The following NBEAL1 variants were observed in gnomAD, a reference collection of about 807,000 sequenced individuals.
NBEAL1 encodes neurobeachin like 1, also known as neurobeachin-like protein 1.
NBEAL1 carries 273 observed loss-of-function variants against 351.3 expected under a neutral mutation model. The observed-to-expected ratio is 0.78, with a 90% CI of 0.70 to 0.86. The LOEUF (loss-of-function observed/expected upper bound fraction) is 0.86, where lower values mean the gene tolerates loss of function less well. Ranked by LOEUF, NBEAL1 falls within the 40% of genes least tolerant of loss-of-function variation. NBEAL1 has a pLI of 0.00. For missense variants in NBEAL1, 2,961 were observed against 3,201.3 expected, an observed-to-expected ratio of 0.92 and a Z score of 1.81; for synonymous variants, 1,050 against 1,086.4, an observed-to-expected ratio of 0.97 and a Z score of 0.66.
intron 23 of NBEAL1, 31 bp downstream of exon 23, chr2:203,126,957 T>C: frequency 4.9e-6 from 7 of 1,420,800 alleles, no homozygotes; most frequent in Non-Finnish European, 6.8e-6. Context: ...CTCAGTTTGA[T>C]ATATTATTTT....
chr2:203,096,392 T>G (rs926594698), intron 10 of NBEAL1, among the ~76,000 whole-genome samples: 5 of 152,234 alleles, frequency 3.3e-5, no homozygotes, highest in African/African-American at 1.2e-4. Context: ...ACCTTTTGTT[T>G]TCTCATTTCT....
At chr2:203,069,674 G>A (rs1200001939) in intron 7 of NBEAL1, among the ~76,000 whole-genome samples, 1 of 152,172 alleles carries the variant, frequency 6.6e-6, no homozygotes, top group Non-Finnish European at 1.5e-5. Context: ...TTTTTGGAGA[G>A]AGATGCGGTC....
At chr2:203,051,823 A>G (rs2061328834) in intron 4 of NBEAL1, among the ~76,000 whole-genome samples, 1 of 152,180 alleles carries the variant, frequency 6.6e-6, no homozygotes, top group Non-Finnish European at 1.5e-5. Flanking sequence ...GTCACAGAAC[A>G]TGTTTCTATT....
chr2:203,213,617 C>G lies in NBEAL1; in HGVS notation c.8034C>G (p.Gly2678=). 6.2e-7 allele frequency: 1 copy of G among 1,614,002 alleles called. No individual in the cohort carries two copies. The highest frequency in any genetic ancestry group is 8.5e-7 in the Non-Finnish European group (1 of 1,179,970). Residue 2678 remains glycine (G), a synonymous_variant, in exon 55 of 56, where the codon GGC becomes GGG. Coordinates refer to ENST00000683969, the MANE Select transcript of NBEAL1 (RefSeq NM_001378026.1). ...ATATTCTTGTAGGTTTAGAAGATGG[C>G]AAATTGATTGTAGTGGGTGTTGGCA... ...YSHILVGLED[G]KLIVVGVGKP...
At chr2:203,185,592 A>G (rs1324026192) in intron 44 of NBEAL1, among the ~76,000 whole-genome samples, 2 of 152,186 alleles carry the variant, frequency 1.3e-5, no homozygotes, top group African/African-American at 2.4e-5. Flanking sequence ...GGCTGGCCTC[A>G]ACTGAGGAAT....
intron 41 of NBEAL1, among the ~76,000 whole-genome samples, chr2:203,173,848 T>C (rs1183677829): frequency 6.6e-6 from 1 of 152,126 alleles, no homozygotes; most frequent in Non-Finnish European, 1.5e-5. Context: ...TTCTCCTGAA[T>C]ATTAATGAGT....
At chr2:203,038,186 G>C (rs982739929) in intron 2 of NBEAL1, among the ~76,000 whole-genome samples, 3 of 149,170 alleles carry the variant, frequency 2.0e-5, no homozygotes, top group East Asian at 3.9e-4. Context: ...TATAAACAAA[G>C]TTTCCATAAA....
At chr2:203,201,825 A>C in intron 50 of NBEAL1, 110 bp downstream of exon 50, 1 of 839,518 alleles carries the variant, frequency 1.2e-6, no homozygotes, top group Non-Finnish European at 1.8e-6. Context: ...TTTGAAGCTG[A>C]GTGAACTTTT....
Position 203,144,710 on chromosome 2 carries a change from A to G in NBEAL1, c.4959A>G (p.Gln1653=), listed in dbSNP as rs994685760. The G allele has an allele frequency of 6.8e-6, 11 of 1,614,152 alleles. No homozygotes were observed. The South Asian group carries it at 8.8e-5, about 13-fold the overall frequency. ...ILGKLEHVLS[Q]SIKEQTEIYS... ...GGAAGCTGGAACATGTTCTAAGTCAATCAATCAAGGAACAGACTGAAATCT... is the reference window on the plus strand; with the variant it reads ...GGAAGCTGGAACATGTTCTAAGTCAGTCAATCAAGGAACAGACTGAAATCT... Residue 1653 remains glutamine, a synonymous_variant, in exon 32 of 56, where the codon CAA becomes CAG. Transcript: ENST00000683969.
At chr2:203,018,554 T>C (rs1294625270) in intron 2 of NBEAL1, among the ~76,000 whole-genome samples, 2 of 152,162 alleles carry the variant, frequency 1.3e-5, no homozygotes, top group African/African-American at 4.8e-5. Flanking sequence ...TGTTTGTTTT[T>C]ACCTCTGAGG....
chr2:203,175,164 A>AGGG lies in NBEAL1; in HGVS notation c.6341_6342insGGG (p.Asp2114delinsGluGly). On this transcript the variant is annotated protein_altering_variant, in exon 42 of 56. Transcript: ENST00000683969. ...CCCCACAGATATGAAAATTTTGAGG[A>AGGG]TCCTATGGGAACTATTGATAAGTTT... The AGGG allele has an allele frequency of 6.2e-7, 1 of 1,610,622 alleles. No individual in the cohort carries two copies. The highest frequency in any genetic ancestry group is 8.5e-7 in the Non-Finnish European group (1 of 1,178,652).
intron 6 of NBEAL1, among the ~76,000 whole-genome samples, chr2:203,060,345 A>C (rs2061478426): frequency 6.6e-6 from 1 of 152,308 alleles, no homozygotes; most frequent in African/African-American, 2.4e-5. Flanking sequence ...AAAGATTATT[A>C]CACCAAAAAA....
chr2:203,156,136 C>A (rs2063792189), intron 35 of NBEAL1, among the ~76,000 whole-genome samples: 1 of 152,164 alleles, frequency 6.6e-6, no homozygotes, highest in Admixed American at 6.5e-5. Context: ...ATCAATATCT[C>A]CATATATTAG....
At chr2:203,114,750 T>G (rs921754054) in intron 17 of NBEAL1, among the ~76,000 whole-genome samples, 1 of 152,144 alleles carries the variant, frequency 6.6e-6, no homozygotes, top group African/African-American at 2.4e-5. Flanking sequence ...TCTTTGTTTT[T>G]TTTTGTTTGT....
At chr2:203,016,517 A>G in intron 2 of NBEAL1, 82 bp downstream of exon 2, 1 of 819,428 alleles carries the variant, frequency 1.2e-6, no homozygotes, top group Admixed American at 2.9e-5. Flanking sequence ...ACTTTATTTA[A>G]TAGATAATAG....
At chr2:203,213,816 C>T (rs1408226220) in intron 55 of NBEAL1, 163 bp downstream of exon 55, 5 of 981,310 alleles carry the variant, frequency 5.1e-6, no homozygotes, top group Non-Finnish European at 6.1e-6. Context: ...AGCTGTTATT[C>T]AAGAATCATG....
intron 35 of NBEAL1, among the ~76,000 whole-genome samples, chr2:203,155,262 A>AAC (rs1553620712): frequency 6.6e-6 from 1 of 150,768 alleles, no homozygotes; most frequent in East Asian, 1.9e-4. Context: ...AAAAAAAAAA[A>AAC]ATTGATTTAA....
rs2065968428 is a variant in NBEAL1, at chr2:203,223,084, TCTC to T, written c.*5733_*5735del. 6.6e-6 allele frequency among the ~76,000 whole-genome samples: 1 copy of T among 152,210 alleles called. No individual in the cohort carries two copies. The highest frequency in any genetic ancestry group is 2.4e-5 in the African/African-American group (1 of 41,470). Reference sequence around the variant, plus strand: ...TGATTATAGTAATTCATCAGACACATCTCCTTCGTTTGGTGATTATCTCATTGA... The same window carrying T: ...TGATTATAGTAATTCATCAGACACATCTTCGTTTGGTGATTATCTCATTGA... On this transcript the variant is annotated 3_prime_UTR_variant, in exon 56 of 56. Transcript: ENST00000683969.
chr2:203,058,279 G>A (rs777595170), intron 6 of NBEAL1, among the ~76,000 whole-genome samples: 16 of 151,990 alleles, frequency 1.1e-4, no homozygotes, highest in African/African-American at 3.1e-4. Context: ...TAATCCTCCC[G>A]CCTTAGCCTC....
Sources: allele counts gnomAD v4.1 joint callset (sites outside exome capture counted in the v4.1 genomes callset), GRCh38; gene constraint gnomAD v4.1.1; transcripts MANE v1.5; gene names NCBI Gene and HGNC (gene_info 2026-07-23, HGNC 2026-07-21).